Variants in ARNT observed in about 807,000 individuals in gnomAD.
ARNT encodes the protein class E basic helix-loop-helix protein 2.
In ARNT, 30 loss-of-function variants were observed where a neutral mutation model predicts 105.0. The observed-to-expected ratio is 0.29, with a 90% CI of 0.21 to 0.39. The LOEUF (loss-of-function observed/expected upper bound fraction) is 0.39, where lower values mean the gene tolerates loss of function less well. Among genes scored for constraint, ARNT ranks in the 10% least tolerant of loss-of-function variants. The pLI, the probability that ARNT is intolerant of heterozygous loss-of-function variation, is 1.00. For synonymous variants in ARNT, 304 were observed against 344.0 expected (o/e 0.88, Z 1.29); for missense variants, 748 against 978.7 (o/e 0.76, Z 3.15).
intron 1 of ARNT, among the ~76,000 whole-genome samples, chr1:150,861,488 C>T (rs1360501767): frequency 1.3e-5 from 2 of 152,176 alleles, no homozygotes; most frequent in Admixed American, 6.5e-5. Context: ...GAGGGCAACC[C>T]AAGTGTCTAT....
chr1:150,851,142 C>A (rs587765798), intron 3 of ARNT, among the ~76,000 whole-genome samples: 3 of 149,298 alleles, frequency 2.0e-5, no homozygotes, highest in Admixed American at 6.7e-5. Flanking sequence ...CCGCCCCGTC[C>A]GGGAGGTGGG....
At chr1:150,870,610 T>C (rs1171310038) in intron 1 of ARNT, among the ~76,000 whole-genome samples, 2 of 152,084 alleles carry the variant, frequency 1.3e-5, no homozygotes, top group African/African-American at 4.8e-5. Flanking sequence ...CAGGCTCAGG[T>C]CATCCTCGCA....
intron 2 of ARNT, chr1:150,853,427 A>G (rs911285779): frequency 3.1e-5 from 5 of 162,678 alleles, no homozygotes; most frequent in Non-Finnish European, 5.5e-5. Flanking sequence ...CTCAGAAAAA[A>G]TAAGAAAAAA....
chr1:150,858,565 T>A, intron 1 of ARNT, 105 bp from the exon 2 acceptor site: 1 of 887,056 alleles, frequency 1.1e-6, no homozygotes, highest in Non-Finnish European at 1.7e-6. Context: ...AGACAAAATC[T>A]CAGCAGTTTG....
chr1:150,868,916 T>TA (rs1335924160), intron 1 of ARNT, among the ~76,000 whole-genome samples: 30 of 140,826 alleles, frequency 2.1e-4, no homozygotes, highest in African/African-American at 6.9e-4. Context: ...ATAATAAAAT[T>TA]TAAAAAAAAA....
At chr1:150,812,795 G>T in intron 21 of ARNT, 1 of 161,510 alleles carries the variant, frequency 6.2e-6, no homozygotes, top group Non-Finnish European at 1.3e-5. Context: ...AACTTTCTTT[G>T]GCATCTTCCT....
intron 1 of ARNT, among the ~76,000 whole-genome samples, chr1:150,867,230 A>C (rs1666745592): frequency 6.6e-6 from 1 of 151,318 alleles, no homozygotes; most frequent in Non-Finnish European, 1.5e-5. Flanking sequence ...AACAAAAAAA[A>C]ACAGATTACT....
Position 150,817,484 on chromosome 1 carries a change from TA to T in ARNT, c.1506-52del, listed in dbSNP as rs746690327. 1.7e-5 allele frequency: 26 copies of T among 1,574,006 alleles called. No individual in the cohort carries two copies. In the East Asian group the frequency reaches 1.8e-4, roughly 11 times the overall value. On this transcript the variant is annotated intron_variant, in intron 15 of 21. Transcript: ENST00000358595. ...GACAAATAGAAAAAAAAATTTTTTT[TA>T]AAAAAGAATCTGGAGAAAGAACCTT...
Position 150,816,748 on chromosome 1 carries a change from C to T in ARNT, c.1802+40G>A, listed in dbSNP as rs377211645. ...AAATTTGGATTCAGCAGCTGAATCC[C>T]TCAGGGCCCTGTAAAGCAGCACATA... On this transcript the variant is annotated intron_variant, in intron 18 of 21. Coordinates refer to ENST00000358595, the MANE Select transcript of ARNT (RefSeq NM_001668.4). The T allele has an allele frequency of 1.3e-3, 1,980 of 1,533,454 alleles. 40 individuals carry two copies. The South Asian group carries it at 0.023, about 18-fold the overall frequency. 95.0% of individuals were successfully genotyped at this position (1,533,454 alleles called of 1,614,324 possible).
rs114138473 is a variant in ARNT, at chr1:150,845,163, A to G, written c.227+1100T>C. Among the ~76,000 whole-genome samples the G allele has an allele frequency of 3.3e-3, 496 of 152,256 alleles. 2 individuals carry two copies. Among genetic ancestry groups the G allele is most frequent in the African/African-American group, 0.011 (475 of 41,550 alleles). ...CCAACCAGGCATGGTGGCTATGCAT[A>G]TAATCCCAATATTTGGGAAGCTGAG... is the stretch of plus-strand genomic sequence containing the variant. On this transcript the variant is annotated intron_variant, in intron 4 of 21. Transcript: ENST00000358595.
At chr1:150,829,845 G>A (rs1252342442) in intron 11 of ARNT, 59 bp downstream of exon 11, 4 of 1,522,174 alleles carry the variant, frequency 2.6e-6, no homozygotes, top group Non-Finnish European at 3.6e-6. Context: ...TAACAGGAAT[G>A]AGTCCTGAAG....
At chr1:150,839,289 C>T in intron 6 of ARNT, 152 bp downstream of exon 6, 2 of 680,732 alleles carry the variant, frequency 2.9e-6, no homozygotes, top group Non-Finnish European at 5.0e-6. Context: ...TCTCATTGTC[C>T]CAATGCTAAT....
At chr1:150,850,761 A>C (rs1424710196) in intron 3 of ARNT, among the ~76,000 whole-genome samples, 1 of 148,794 alleles carries the variant, frequency 6.7e-6, no homozygotes, top group Non-Finnish European at 1.5e-5. Flanking sequence ...GGATGTGAGG[A>C]GCCCCTCTGC....
chr1:150,837,923 C>G (rs1444245694), intron 6 of ARNT, among the ~76,000 whole-genome samples: 1 of 152,076 alleles, frequency 6.6e-6, no homozygotes, highest in Non-Finnish European at 1.5e-5. Context: ...CTAGAAGCCT[C>G]AAAATCTAAC....
Position 150,857,225 on chromosome 1 carries a change from T to C in ARNT, c.137+1124A>G, listed in dbSNP as rs116075053. ...TACACTGAAACATATTTGTCGCTTA[T>C]AACTACATAGCATTCCATTTTAAAT... On this transcript the variant is annotated intron_variant, in intron 2 of 21. Transcript: ENST00000358595. Among the ~76,000 whole-genome samples, 1,006 of 152,334 alleles carry C rather than the reference T, an allele frequency of 6.6e-3. 7 individuals are homozygous for C. The highest frequency in any genetic ancestry group is 0.023 in the African/African-American group (939 of 41,582).
At chr1:150,858,544 G>A (rs1665029565) in intron 1 of ARNT, 84 bp from the exon 2 acceptor site, 1 of 1,090,282 alleles carries the variant, frequency 9.2e-7, no homozygotes. Flanking sequence ...TAAAAGAAAG[G>A]TTCAAGCTAT....
chr1:150,835,275 G>T (rs1225316241), intron 7 of ARNT, among the ~76,000 whole-genome samples: 2 of 152,006 alleles, frequency 1.3e-5, no homozygotes, highest in African/African-American at 4.8e-5. Context: ...GGAAAAGGAA[G>T]AACTAGAAAA....
intron 1 of ARNT, among the ~76,000 whole-genome samples, chr1:150,874,463 T>G (rs1667953134): frequency 6.6e-6 from 1 of 152,314 alleles, no homozygotes; most frequent in East Asian, 1.9e-4. Context: ...AGGCAAGGCT[T>G]GCTTGAGACC....
intron 1 of ARNT, 53 bp downstream of exon 1, chr1:150,876,490 C>T: frequency 6.5e-7 from 1 of 1,546,072 alleles, no homozygotes; most frequent in East Asian, 2.5e-5. Context: ...CCTTAGTTGT[C>T]AGCCCCTTCG....
Sources: allele counts gnomAD v4.1 joint callset (sites outside exome capture counted in the v4.1 genomes callset), GRCh38; gene constraint gnomAD v4.1.1; transcripts MANE v1.5; gene names NCBI Gene and HGNC (gene_info 2026-07-23, HGNC 2026-07-21).